The following NELL2 variants were observed in gnomAD, a reference collection of about 807,000 sequenced individuals.
NELL2 encodes protein kinase C-binding protein NELL2.
In NELL2, 41 loss-of-function variants were observed where a neutral mutation model predicts 109.6. The ratio of observed to expected loss-of-function variants is 0.37; its 90% CI spans 0.29 to 0.49. The LOEUF (loss-of-function observed/expected upper bound fraction) is 0.49, where lower values mean the gene tolerates loss of function less well. NELL2 is among the 20% of genes least tolerant of loss of function. NELL2 has a pLI of 0.98. For synonymous variants in NELL2, 355 were observed against 344.7 expected (o/e 1.03, Z -0.33); for missense variants, 900 against 1,008.3 (o/e 0.89, Z 1.45).
chr12:44,517,879 T>C (rs958815037), intron 19 of NELL2, among the ~76,000 whole-genome samples: 8 of 151,820 alleles, frequency 5.3e-5, no homozygotes, highest in African/African-American at 1.7e-4. Context: ...CAGAGGGGAG[T>C]AGAATGGAGA....
intron 13 of NELL2, among the ~76,000 whole-genome samples, chr12:44,636,585 T>C (rs1473646823): frequency 6.6e-6 from 1 of 152,172 alleles, no homozygotes; most frequent in Non-Finnish European, 1.5e-5. Context: ...TGGATGACAT[T>C]TATTGATTTG....
At chr12:44,827,042 A>C (rs74799100) in intron 2 of NELL2, among the ~76,000 whole-genome samples, 1 of 152,224 alleles carries the variant, frequency 6.6e-6, no homozygotes, top group South Asian at 2.1e-4. Flanking sequence ...AACTGCACTA[A>C]ATTGCAAAAC....
chr12:44,812,587 T>C (rs369910174), intron 3 of NELL2, among the ~76,000 whole-genome samples: 3 of 152,124 alleles, frequency 2.0e-5, no homozygotes, highest in African/African-American at 7.2e-5. Flanking sequence ...CAGAAAATAA[T>C]GAAATAAGTG....
chr12:44,679,839 A>T (rs1022990187), intron 12 of NELL2, among the ~76,000 whole-genome samples: 1 of 152,094 alleles, frequency 6.6e-6, no homozygotes, highest in African/African-American at 2.4e-5. Flanking sequence ...TGAAGTCTCA[A>T]TTCCTACATA....
intron 13 of NELL2, among the ~76,000 whole-genome samples, chr12:44,621,964 A>G (rs1329531155): frequency 6.6e-6 from 1 of 152,110 alleles, no homozygotes; most frequent in African/African-American, 2.4e-5. Context: ...TCACGCTGTC[A>G]GGGATTGTTA....
At chr12:44,530,211 G>A (rs150508683) in intron 16 of NELL2, among the ~76,000 whole-genome samples, 8 of 152,270 alleles carry the variant, frequency 5.3e-5, no homozygotes, top group South Asian at 2.1e-4. Context: ...ATAAATAGGC[G>A]AGTACGGGTC....
At chr12:44,755,459 T>C (rs1282423415) in intron 9 of NELL2, among the ~76,000 whole-genome samples, 1 of 151,772 alleles carries the variant, frequency 6.6e-6, no homozygotes, top group Non-Finnish European at 1.5e-5. Flanking sequence ...TCTGTCACAA[T>C]GTCTGCAACA....
At chr12:44,599,967 T>TTG (rs1555183462) in intron 15 of NELL2, among the ~76,000 whole-genome samples, 2 of 145,410 alleles carry the variant, frequency 1.4e-5, no homozygotes, top group African/African-American at 2.5e-5. Context: ...TCCGTTTTTT[T>TTG]TTTTTTTTTT....
intron 15 of NELL2, among the ~76,000 whole-genome samples, chr12:44,551,465 GCAGT>G (rs891220359): frequency 2.0e-5 from 3 of 152,126 alleles, no homozygotes; most frequent in African/African-American, 7.2e-5. Context: ...AAGTTCATTA[GCAGT>G]CAGAGAGACA....
At chr12:44,610,477 GA>G (rs1235278199) in intron 14 of NELL2, among the ~76,000 whole-genome samples, 2 of 152,042 alleles carry the variant, frequency 1.3e-5, no homozygotes, top group Non-Finnish European at 2.9e-5. Flanking sequence ...CAAACTGGAA[GA>G]AGAGGAACTT....
chr12:44,644,596 ATATATATG>A (rs1946997850), intron 13 of NELL2, among the ~76,000 whole-genome samples: 1 of 82,856 alleles, frequency 1.2e-5, no homozygotes, highest in African/African-American at 4.9e-5. Flanking sequence ...ATATATATAT[ATATATATG>A]TATGTATATA....
intron 15 of NELL2, among the ~76,000 whole-genome samples, chr12:44,600,005 A>G (rs946042740): frequency 8.1e-6 from 1 of 123,470 alleles, no homozygotes; most frequent in African/African-American, 3.1e-5. Flanking sequence ...TCTGCCGCCC[A>G]GGCTGGAGTG....
At chr12:44,655,449 A>G (rs764207376) in intron 13 of NELL2, among the ~76,000 whole-genome samples, 1 of 152,224 alleles carries the variant, frequency 6.6e-6, no homozygotes, top group Non-Finnish European at 1.5e-5. Context: ...CATCTTTAAA[A>G]AAGGCAATTC....
In NELL2 at chr12:44,815,979, C is replaced by A; in HGVS notation, c.335+7G>T. The A allele has an allele frequency of 6.2e-7, 1 of 1,608,570 alleles. No individual in the cohort carries two copies. Among genetic ancestry groups the A allele is most frequent in the Non-Finnish European group, 8.5e-7 (1 of 1,178,532 alleles). On this transcript the variant is annotated splice_region_variant and intron_variant, in intron 3 of 19. Coordinates refer to ENST00000429094, the MANE Select transcript of NELL2 (RefSeq NM_001145108.2). ...AAAACACAGGAAACTCCAGCAACCACATTTACCTGTGATCCAAGTGGTGAA... is the reference window on the plus strand; with the variant it reads ...AAAACACAGGAAACTCCAGCAACCAAATTTACCTGTGATCCAAGTGGTGAA...
intron 9 of NELL2, among the ~76,000 whole-genome samples, chr12:44,729,627 T>A (rs1174143299): frequency 6.7e-6 from 1 of 149,778 alleles, no homozygotes; most frequent in African/African-American, 2.4e-5. Flanking sequence ...TAAGATTTAA[T>A]GACATAAATG....
intron 15 of NELL2, among the ~76,000 whole-genome samples, chr12:44,602,080 T>G (rs1945243240): frequency 6.6e-6 from 1 of 152,208 alleles, no homozygotes; most frequent in Non-Finnish European, 1.5e-5. Context: ...AAGCCTTTGG[T>G]GAGAGTGCTT....
intron 9 of NELL2, among the ~76,000 whole-genome samples, chr12:44,769,228 C>T (rs918848534): frequency 6.6e-6 from 1 of 151,998 alleles, no homozygotes; most frequent in Non-Finnish European, 1.5e-5. Flanking sequence ...AAATAAGCCT[C>T]CCAAATTACC....
chr12:44,656,958 C>T (rs898483722), intron 13 of NELL2, among the ~76,000 whole-genome samples: 2 of 152,138 alleles, frequency 1.3e-5, no homozygotes, highest in African/African-American at 4.8e-5. Flanking sequence ...TTCAACATAT[C>T]GTTTCTTTAA....
Position 44,522,049 on chromosome 12 carries a change from T to C in NELL2, c.2126A>G (p.Tyr709Cys), listed in dbSNP as rs771707013. The C allele has an allele frequency of 3.7e-6, 6 of 1,614,144 alleles. No homozygotes were observed. In the South Asian group the frequency reaches 4.4e-5, roughly 12 times the overall value. Residue 709 changes from tyrosine to cysteine, a missense_variant, in exon 18 of 20, where the codon TAT becomes TGT. Transcript: ENST00000429094. ...QCLHQNGETL[Y>C]NSGDTWVQNC... Reference sequence around the variant, plus strand: ...CTGGACCCAGGTGTCACCACTGTTATACAAAGTTTCCCCATTTTGATGGAG... The same window carrying C: ...CTGGACCCAGGTGTCACCACTGTTACACAAAGTTTCCCCATTTTGATGGAG...
Sources: gnomAD v4.1 joint callset for allele counts (sites outside exome capture counted in the v4.1 genomes callset) on GRCh38, gnomAD v4.1.1 for gene constraint, MANE v1.5 for transcripts, NCBI Gene and HGNC (gene_info 2026-07-23, HGNC 2026-07-21) for gene names.